ZNF385D: variants seen among roughly 807,000 people sequenced by gnomAD.
The protein encoded by ZNF385D is zinc finger protein 659.
A neutral mutation model predicts 35.8 loss-of-function variants in ZNF385D; 15 were observed. That is an observed-to-expected ratio of 0.42 (90% CI 0.28 to 0.64). The LOEUF is 0.64. Among genes scored for constraint, ZNF385D ranks in the 30% least tolerant of loss-of-function variants. ZNF385D has a pLI of 0.23. For missense variants in ZNF385D, 474 were observed against 494.6 expected, an observed-to-expected ratio of 0.96 and a Z score of 0.39; for synonymous variants, 212 against 186.8, an observed-to-expected ratio of 1.13 and a Z score of -1.10.
intron 2 of ZNF385D, among the ~76,000 whole-genome samples, chr3:21,602,517 C>CCTTT (rs2064333283): frequency 1.6e-5 from 1 of 62,710 alleles, no homozygotes. Flanking sequence ...CCTGCATTTT[C>CCTTT]TTTTTTTTTT....
At chr3:21,436,346 C>T (rs1361122065) in intron 5 of ZNF385D, among the ~76,000 whole-genome samples, 3 of 152,094 alleles carry the variant, frequency 2.0e-5, no homozygotes, top group Non-Finnish European at 2.9e-5. Context: ...ATGGTTCTGT[C>T]ACTTAATTGG....
intron 3 of ZNF385D, among the ~76,000 whole-genome samples, chr3:21,902,037 C>T (rs533115379): frequency 6.6e-6 from 1 of 152,264 alleles, no homozygotes; most frequent in South Asian, 2.1e-4. Flanking sequence ...TGAAACATGA[C>T]ACTAAACTTC....
chr3:21,825,880 C>A (rs1391545910), intron 3 of ZNF385D, among the ~76,000 whole-genome samples: 1 of 152,174 alleles, frequency 6.6e-6, no homozygotes, highest in Non-Finnish European at 1.5e-5. Flanking sequence ...AAGGTTACGG[C>A]CTGAGCTCCG....
intron 4 of ZNF385D, among the ~76,000 whole-genome samples, chr3:21,484,970 C>T (rs1285520949): frequency 6.6e-6 from 1 of 152,112 alleles, no homozygotes; most frequent in African/African-American, 2.4e-5. Flanking sequence ...ATCACTGAGT[C>T]ATCCTGTAAG....
chr3:22,212,218 G>A (rs182581729), intron 2 of ZNF385D, among the ~76,000 whole-genome samples: 8 of 152,132 alleles, frequency 5.3e-5, no homozygotes, highest in Admixed American at 3.9e-4. Flanking sequence ...AGAAGGAGGT[G>A]ACCATCAAAC....
chr3:21,796,517 A>G (rs1008640610), intron 3 of ZNF385D, among the ~76,000 whole-genome samples: 1 of 152,190 alleles, frequency 6.6e-6, no homozygotes, highest in Non-Finnish European at 1.5e-5. Context: ...CACATCAACA[A>G]AAGCTGGAAC....
intron 2 of ZNF385D, among the ~76,000 whole-genome samples, chr3:22,344,155 G>T (rs112747695): frequency 5.0e-4 from 73 of 147,186 alleles, no homozygotes; most frequent in African/African-American, 1.7e-3. Context: ...ATTTTTATAG[G>T]CACATGGGTA....
At chr3:21,740,039 T>G (rs2069434775) in intron 1 of ZNF385D, among the ~76,000 whole-genome samples, 1 of 152,120 alleles carries the variant, frequency 6.6e-6, no homozygotes, top group East Asian at 1.9e-4. Flanking sequence ...CTACAGAAAC[T>G]AGAGTGACCA....
At chr3:22,194,842 C>T (rs138206973) in intron 2 of ZNF385D, among the ~76,000 whole-genome samples, 14 of 151,924 alleles carry the variant, frequency 9.2e-5, no homozygotes, top group African/African-American at 3.4e-4. Flanking sequence ...CTTTTTGTTA[C>T]TGAGAATTTC....
intron 3 of ZNF385D, among the ~76,000 whole-genome samples, chr3:21,895,252 G>A (rs571300012): frequency 2.0e-5 from 3 of 150,164 alleles, no homozygotes; most frequent in African/African-American, 7.3e-5. Context: ...GAACATGGCG[G>A]ACATGAGATT....
chr3:21,877,569 G>T lies in ZNF385D; in HGVS notation c.326-212541C>A, dbSNP rs78814206. ...GTGGTAATTGATTCTGGAGAGCCTC[G>T]GAAATGGTTCAAGGAAAACACAGCT... On this transcript the variant is annotated intron_variant, in intron 3 of 5. Coordinates refer to the ZNF385D transcript ENST00000494108. Among the ~76,000 whole-genome samples, 349 of 152,136 alleles carry T rather than the reference G, an allele frequency of 2.3e-3. 1 individual carries two copies. Among genetic ancestry groups the T allele is most frequent in the African/African-American group, 7.9e-3 (329 of 41,528 alleles).
chr3:22,130,640 A>G (rs1428390859), intron 3 of ZNF385D, among the ~76,000 whole-genome samples: 1 of 152,136 alleles, frequency 6.6e-6, no homozygotes, highest in Non-Finnish European at 1.5e-5. Flanking sequence ...CCTTCCCCCA[A>G]GAGCACAGAT....
chr3:21,582,139 T>C (rs1841914), intron 2 of ZNF385D, among the ~76,000 whole-genome samples: 74,972 of 151,982 alleles, frequency 0.49, 18,671 homozygotes, highest in African/African-American at 0.58. Flanking sequence ...AGCTGTAAGA[T>C]TGACATCCAG....
At chr3:21,990,820 G>C (rs1034370975) in intron 3 of ZNF385D, among the ~76,000 whole-genome samples, 11 of 152,136 alleles carry the variant, frequency 7.2e-5, no homozygotes, top group Non-Finnish European at 1.3e-4. Context: ...TTTAACTATT[G>C]AAAACTGTAT....
At chr3:21,761,867 TCC>T (rs369521478) in intron 3 of ZNF385D, among the ~76,000 whole-genome samples, 1 of 135,022 alleles carries the variant, frequency 7.4e-6, no homozygotes, top group Non-Finnish European at 1.5e-5. Flanking sequence ...AGCATTTTCT[TCC>T]TTTTTTTTTT....
At chr3:22,203,025 TGGGAGACATGCAACCTA>T (rs1328352412) in intron 2 of ZNF385D, among the ~76,000 whole-genome samples, 6 of 152,044 alleles carry the variant, frequency 3.9e-5, no homozygotes, top group African/African-American at 1.4e-4. Context: ...CCAGTGAATG[TGGGAGACATGCAACCTA>T]GGGAGACATC....
intron 5 of ZNF385D, among the ~76,000 whole-genome samples, chr3:21,428,593 CT>C (rs1006420735): frequency 6.6e-6 from 1 of 151,896 alleles, no homozygotes; most frequent in African/African-American, 2.4e-5. Flanking sequence ...TCTCATAAAG[CT>C]TTTTTTGCTG....
At chr3:22,009,642 A>G (rs1035158240) in intron 3 of ZNF385D, among the ~76,000 whole-genome samples, 2 of 151,112 alleles carry the variant, frequency 1.3e-5, no homozygotes, top group African/African-American at 4.9e-5. Flanking sequence ...AATAAAAAAA[A>G]AAAAGATTCA....
chr3:21,742,345 T>C (rs955188967), intron 1 of ZNF385D, among the ~76,000 whole-genome samples: 2 of 152,174 alleles, frequency 1.3e-5, no homozygotes, highest in African/African-American at 4.8e-5. Context: ...CTTAAGTGTA[T>C]CTTCCCCAAC....
Sources: allele counts gnomAD v4.1 joint callset (sites outside exome capture counted in the v4.1 genomes callset), GRCh38; gene constraint gnomAD v4.1.1; transcripts MANE v1.5; gene names NCBI Gene and HGNC (gene_info 2026-07-23, HGNC 2026-07-21).